The following GRM7 variants were observed in gnomAD, a reference collection of about 807,000 sequenced individuals.
GRM7 encodes the protein glutamate metabotropic receptor 7.
In GRM7, 35 loss-of-function variants were observed where a neutral mutation model predicts 84.5. That is an observed-to-expected ratio of 0.41 (90% CI 0.32 to 0.55). The LOEUF (loss-of-function observed/expected upper bound fraction) is 0.55. Ranked by LOEUF, GRM7 falls within the 20% of genes least tolerant of loss-of-function variation. The pLI, the probability that GRM7 is intolerant of heterozygous loss-of-function variation, is 0.19. For missense variants in GRM7, 1,003 were observed against 1,194.6 expected (o/e 0.84, Z 2.36); for synonymous variants, 487 against 455.1 (o/e 1.07, Z -0.89).
intron 1 of GRM7, among the ~76,000 whole-genome samples, chr3:7,087,025 C>A (rs1231709640): frequency 6.6e-6 from 1 of 151,968 alleles, no homozygotes; most frequent in Non-Finnish European, 1.5e-5. Flanking sequence ...CTATGAGTGC[C>A]AAATAAAAGA....
intron 7 of GRM7, among the ~76,000 whole-genome samples, chr3:7,552,329 T>C (rs574711279): frequency 6.6e-6 from 1 of 152,304 alleles, no homozygotes; most frequent in African/African-American, 2.4e-5. Context: ...GTGTTGAGTG[T>C]CTGTGGCTTT....
chr3:7,308,175 A>G (rs1485972746), intron 4 of GRM7, among the ~76,000 whole-genome samples: 1 of 152,172 alleles, frequency 6.6e-6, no homozygotes, highest in African/African-American at 2.4e-5. Flanking sequence ...CCTATTTACA[A>G]GACACTGGGG....
chr3:7,306,690 T>C (rs768439346), intron 4 of GRM7, 38 bp downstream of exon 4: 2 of 1,527,222 alleles, frequency 1.3e-6, no homozygotes, highest in South Asian at 2.5e-5. Context: ...CTGAGAGAAG[T>C]TCTGGTGCCA....
chr3:7,324,987 T>C (rs1546237), intron 4 of GRM7, among the ~76,000 whole-genome samples: 62,806 of 151,700 alleles, frequency 0.41, 12,999 homozygotes, highest in Middle Eastern at 0.49. Context: ...CTTAGCAGGC[T>C]AGCACTTTCT....
intron 4 of GRM7, among the ~76,000 whole-genome samples, chr3:7,330,409 C>T (rs1701157699): frequency 6.6e-6 from 1 of 152,138 alleles, no homozygotes; most frequent in Admixed American, 6.5e-5. Flanking sequence ...TCTCTGTCCC[C>T]CTTGTAACAG....
At chr3:6,941,888 G>T (rs1020791700) in intron 1 of GRM7, among the ~76,000 whole-genome samples, 2 of 152,000 alleles carry the variant, frequency 1.3e-5, no homozygotes, top group African/African-American at 4.8e-5. Flanking sequence ...GAATCCTGTA[G>T]GTTATCACAT....
intron 5 of GRM7, among the ~76,000 whole-genome samples, chr3:7,439,172 T>A (rs1697183334): frequency 6.6e-6 from 1 of 152,190 alleles, no homozygotes; most frequent in Non-Finnish European, 1.5e-5. Context: ...AGGTCTCTCA[T>A]GTTTCTGTAC....
intron 5 of GRM7, among the ~76,000 whole-genome samples, chr3:7,444,692 C>G (rs559322578): frequency 3.5e-4 from 54 of 152,198 alleles, no homozygotes; most frequent in Non-Finnish European, 7.2e-4. Context: ...CTAAACATAT[C>G]CCCACCATCC....
At chr3:7,514,057 A>G (rs979666536) in intron 7 of GRM7, among the ~76,000 whole-genome samples, 12 of 152,238 alleles carry the variant, frequency 7.9e-5, no homozygotes, top group African/African-American at 2.7e-4. Context: ...GGGGGCCATG[A>G]TGGCATCCGA....
intron 1 of GRM7, among the ~76,000 whole-genome samples, chr3:6,941,732 T>C (rs889265109): frequency 4.6e-5 from 7 of 152,214 alleles, no homozygotes; most frequent in Non-Finnish European, 1.0e-4. Context: ...ATTCATTCAT[T>C]TGTACTTGCA....
chr3:7,696,202 T>C (rs995924153), intron 9 of GRM7, among the ~76,000 whole-genome samples: 4 of 152,210 alleles, frequency 2.6e-5, no homozygotes, highest in Admixed American at 1.3e-4. Flanking sequence ...ATTTCTTTTG[T>C]AGCTTCTAGT....
intron 1 of GRM7, among the ~76,000 whole-genome samples, chr3:7,026,789 C>G (rs2124920980): frequency 6.6e-6 from 1 of 152,342 alleles, no homozygotes; most frequent in East Asian, 1.9e-4. Flanking sequence ...TGAGCCACTT[C>G]TCCCTGACTT....
chr3:6,991,018 A>C (rs563323932), intron 1 of GRM7, among the ~76,000 whole-genome samples: 7 of 152,194 alleles, frequency 4.6e-5, no homozygotes, highest in African/African-American at 1.7e-4. Flanking sequence ...GCCGTGAGAC[A>C]TGATCACGCC....
In GRM7 at chr3:7,452,771, A is replaced by G; in HGVS notation, c.1339A>G (p.Lys447Glu). The change falls in exon 6 of 10, where the codon AAG becomes GAG. Residue 447 changes from lysine (K) to glutamate (E), a missense_variant. Around this residue, in one of 2 missense-constraint regions of GRM7, gnomAD observed 910 missense variants for 1,126.0 expected, o/e 0.81. Coordinates refer to ENST00000357716, the MANE Select transcript of GRM7 (RefSeq NM_000844.4). ...CPEMEQAGGK[K>E]LLKYIRNVNF... is the part of the protein sequence containing the mutation. Reference sequence around the variant, plus strand: ...AGAGATGGAGCAAGCTGGAGGCAAGAAGTTGCTGAAGTATATACGCAATGT... The same window carrying G: ...AGAGATGGAGCAAGCTGGAGGCAAGGAGTTGCTGAAGTATATACGCAATGT... The G allele has an allele frequency of 6.2e-7, 1 of 1,613,092 alleles. No homozygotes were observed. Among genetic ancestry groups the G allele is most frequent in the Non-Finnish European group, 8.5e-7 (1 of 1,179,288 alleles).
In GRM7 at chr3:7,117,138, G is replaced by C. The variant is rs376884504; in HGVS notation, c.520-29314G>C. On this transcript the variant is annotated intron_variant, in intron 1 of 9. Transcript: ENST00000357716. ...AGAAATAAACTCCAGTCCTCAAAGA[G>C]TGGAGGAGATGGGAAACCCCGCAGT... Among the ~76,000 whole-genome samples, 16 of 152,252 alleles carry C rather than the reference G, an allele frequency of 1.1e-4. No individual in the cohort carries two copies. In the East Asian group the frequency reaches 2.7e-3, roughly 26 times the overall value.
chr3:6,931,940 T>C (rs949620439), intron 1 of GRM7, among the ~76,000 whole-genome samples: 25 of 152,338 alleles, frequency 1.6e-4, no homozygotes, highest in Middle Eastern at 6.8e-3. Context: ...AAGTAAATTA[T>C]TATGATGCAA....
At chr3:7,700,199 C>T (rs1185357423) in intron 9 of GRM7, among the ~76,000 whole-genome samples, 4 of 152,122 alleles carry the variant, frequency 2.6e-5, no homozygotes, top group South Asian at 2.1e-4. Flanking sequence ...GGCACATCCC[C>T]GCGACTCAGT....
intron 1 of GRM7, among the ~76,000 whole-genome samples, chr3:6,944,461 A>G (rs766119446): frequency 7.9e-5 from 12 of 152,116 alleles, no homozygotes; most frequent in Non-Finnish European, 1.6e-4. Flanking sequence ...AAAGTTTGTC[A>G]ATATGTTAAA....
In GRM7 at chr3:7,470,720, T is replaced by C. The variant is rs1341969795; in HGVS notation, c.1515+8998T>C. On this transcript the variant is annotated intron_variant, in intron 7 of 9. Coordinates refer to ENST00000357716, the MANE Select transcript of GRM7 (RefSeq NM_000844.4). Reference sequence around the variant, plus strand: ...ATTTTGGGCTCAGGCAAAATATATATGAAAAAAGAAATACAACAAGATAAA... The same window carrying C: ...ATTTTGGGCTCAGGCAAAATATATACGAAAAAAGAAATACAACAAGATAAA... Among the ~76,000 whole-genome samples, 5 of 152,108 alleles carry C rather than the reference T, an allele frequency of 3.3e-5. No individual in the cohort carries two copies. The East Asian group carries it at 7.8e-4, about 24-fold the overall frequency.
Sources: allele counts gnomAD v4.1 joint callset (sites outside exome capture counted in the v4.1 genomes callset), GRCh38; gene constraint gnomAD v4.1.1; regional missense constraint gnomAD v4.1.1; transcripts MANE v1.5; gene names NCBI Gene and HGNC (gene_info 2026-07-23, HGNC 2026-07-21).